WWOX: variants seen among roughly 807,000 people sequenced by gnomAD.
The protein encoded by WWOX is WW domain-containing oxidoreductase.
WWOX carries 69 observed loss-of-function variants against 46.2 expected under a neutral mutation model. The ratio of observed to expected loss-of-function variants is 1.49; its 90% CI spans 1.23 to 1.82. The LOEUF (loss-of-function observed/expected upper bound fraction) is 1.82. Among genes scored for constraint, WWOX ranks in the 40% most tolerant of loss-of-function variants. WWOX has a pLI of 0.00. For synonymous variants in WWOX, 359 were observed against 202.6 expected (o/e 1.77, Z -6.56); for missense variants, 919 against 542.6 (o/e 1.69, Z -6.89).
At chr16:79,009,734 A>G (rs1276192850) in intron 8 of WWOX, among the ~76,000 whole-genome samples, 4 of 152,120 alleles carry the variant, frequency 2.6e-5, no homozygotes, top group African/African-American at 9.7e-5. Flanking sequence ...TACAGGTGTG[A>G]GCCACCGCTC....
chr16:78,614,643 C>T (rs372307222), intron 8 of WWOX, among the ~76,000 whole-genome samples: 1 of 152,200 alleles, frequency 6.6e-6, no homozygotes. Context: ...GAGGGACCAC[C>T]CCCTCCACCT....
At chr16:78,907,319 C>T (rs563618571) in intron 8 of WWOX, among the ~76,000 whole-genome samples, 3 of 152,212 alleles carry the variant, frequency 2.0e-5, no homozygotes, top group African/African-American at 7.2e-5. Context: ...TTCAGAAGGC[C>T]AACCTTAGGT....
At chr16:78,859,044 A>G (rs1468819055) in intron 8 of WWOX, among the ~76,000 whole-genome samples, 1 of 26,934 alleles carries the variant, frequency 3.7e-5, no homozygotes, top group East Asian at 5.3e-4. Context: ...ATATATATAT[A>G]TATATGTATA....
chr16:79,072,391 G>A (rs1468455462), intron 8 of WWOX, among the ~76,000 whole-genome samples: 1 of 152,180 alleles, frequency 6.6e-6, no homozygotes, highest in Non-Finnish European at 1.5e-5. Context: ...CCATAGGCAT[G>A]AGACCTCCAC....
chr16:78,502,921 A>G (rs1012468388), intron 8 of WWOX, among the ~76,000 whole-genome samples: 3 of 152,178 alleles, frequency 2.0e-5, no homozygotes, highest in Admixed American at 1.3e-4. Flanking sequence ...CCCTGCTTCC[A>G]GCGATAGCAA....
intron 8 of WWOX, among the ~76,000 whole-genome samples, chr16:78,582,346 G>T (rs1339829327): frequency 6.6e-6 from 1 of 152,172 alleles, no homozygotes; most frequent in Non-Finnish European, 1.5e-5. Context: ...AATGTTAATT[G>T]TATTAATTTA....
At chr16:78,906,595 C>T (rs1206761237) in intron 8 of WWOX, among the ~76,000 whole-genome samples, 3 of 152,104 alleles carry the variant, frequency 2.0e-5, no homozygotes, top group East Asian at 1.9e-4. Flanking sequence ...GAGGGAGAAC[C>T]TGGAGAAGTC....
chr16:78,916,839 C>A lies in WWOX; in HGVS notation c.1057-294769C>A, dbSNP rs186781393. Among the ~76,000 whole-genome samples the A allele has an allele frequency of 3.3e-5, 5 of 152,278 alleles. No homozygotes were observed. In the South Asian group the frequency reaches 8.3e-4, roughly 25 times the overall value. ...CTGTATGAAGTTGCCAGTGTTAAAC[C>A]CTTTCGATAGCAAGTAGAAGAAATG... On this transcript the variant is annotated intron_variant, in intron 8 of 8. Coordinates refer to ENST00000566780, the MANE Select transcript of WWOX (RefSeq NM_016373.4).
chr16:78,585,677 TTTTTTTTTTG>T (rs1280169447), intron 8 of WWOX, among the ~76,000 whole-genome samples: 16 of 142,966 alleles, frequency 1.1e-4, no homozygotes, highest in African/African-American at 3.4e-4. Context: ...TGTTTTGGGT[TTTTTTTTTTG>T]TTTTTTTTTG....
chr16:78,893,570 C>G (rs1187943475), intron 8 of WWOX, among the ~76,000 whole-genome samples: 1 of 152,216 alleles, frequency 6.6e-6, no homozygotes, highest in Non-Finnish European at 1.5e-5. Context: ...CCTTCCACTT[C>G]TGCCCACATG....
At chr16:78,378,200 A>G (rs1337097983) in intron 5 of WWOX, among the ~76,000 whole-genome samples, 1 of 152,114 alleles carries the variant, frequency 6.6e-6, no homozygotes, top group African/African-American at 2.4e-5. Context: ...AAAATGTGGA[A>G]TCATCTCCAA....
chr16:78,236,293 T>C (rs2037435186), intron 5 of WWOX, among the ~76,000 whole-genome samples: 1 of 152,244 alleles, frequency 6.6e-6, no homozygotes, highest in African/African-American at 2.4e-5. Context: ...TCTCAGCAAA[T>C]GCTAGTTTCC....
intron 8 of WWOX, among the ~76,000 whole-genome samples, chr16:78,965,764 A>G (rs980407993): frequency 1.3e-5 from 2 of 152,056 alleles, no homozygotes; most frequent in African/African-American, 2.4e-5. Context: ...TGCACACACA[A>G]TCTTTTCTCT....
chr16:79,058,295 GA>G (rs1454615535), intron 8 of WWOX, among the ~76,000 whole-genome samples: 1 of 152,040 alleles, frequency 6.6e-6, no homozygotes, highest in South Asian at 2.1e-4. Context: ...AAATGAGAGA[GA>G]AAAAAATAAT....
At chr16:78,566,372 A>G (rs537592027) in intron 8 of WWOX, among the ~76,000 whole-genome samples, 18 of 152,294 alleles carry the variant, frequency 1.2e-4, no homozygotes, top group South Asian at 2.1e-4. Context: ...AATAGCAAGT[A>G]TAGTAGTGGG....
intron 8 of WWOX, among the ~76,000 whole-genome samples, chr16:78,596,882 A>C (rs1198352613): frequency 6.6e-6 from 1 of 152,146 alleles, no homozygotes; most frequent in Non-Finnish European, 1.5e-5. Context: ...ACACACACAC[A>C]ATCAGCCAGC....
Position 78,609,781 on chromosome 16 carries a change from C to G in WWOX, c.1056+177029C>G, listed in dbSNP as rs182494418. On this transcript the variant is annotated intron_variant, in intron 8 of 8. Coordinates refer to ENST00000566780, the MANE Select transcript of WWOX (RefSeq NM_016373.4). ...GGGTCCAAAGTACAGGAAGCTATACCATGCAAATGAAAATATTTTTTCCAA... is the reference window on the plus strand; with the variant it reads ...GGGTCCAAAGTACAGGAAGCTATACGATGCAAATGAAAATATTTTTTCCAA... Among the ~76,000 whole-genome samples, 21 of 152,302 alleles carry G rather than the reference C, an allele frequency of 1.4e-4. No homozygotes were observed. The East Asian group carries it at 3.9e-3, about 28-fold the overall frequency.
intron 8 of WWOX, among the ~76,000 whole-genome samples, chr16:79,113,268 GGTACT>G (rs2049451279): frequency 1.3e-5 from 2 of 152,200 alleles, no homozygotes; most frequent in South Asian, 4.1e-4. Flanking sequence ...TTAGGGAGCA[GGTACT>G]GCTGTGGATG....
chr16:79,122,102 G>T (rs2049646519), intron 8 of WWOX, among the ~76,000 whole-genome samples: 1 of 152,162 alleles, frequency 6.6e-6, no homozygotes, highest in African/African-American at 2.4e-5. Flanking sequence ...GGGCACAGGT[G>T]CTGACGGGGC....
Sources: gnomAD v4.1 joint callset for allele counts (sites outside exome capture counted in the v4.1 genomes callset) on GRCh38, gnomAD v4.1.1 for gene constraint, MANE v1.5 for transcripts, NCBI Gene and HGNC (gene_info 2026-07-23, HGNC 2026-07-21) for gene names.